Variants in FABP3 observed in about 807,000 individuals in gnomAD.
The protein encoded by FABP3 is fatty acid binding protein 3.
In FABP3, 8 loss-of-function variants were observed where a neutral mutation model predicts 13.4. That is an observed-to-expected ratio of 0.60 (90% confidence interval 0.35 to 1.07). The LOEUF (loss-of-function observed/expected upper bound fraction) is 1.07, where lower values mean the gene tolerates loss of function less well. FABP3 is among the 50% of genes least tolerant of loss of function. The pLI, the probability that FABP3 is intolerant of heterozygous loss-of-function variation, is 0.02. For missense variants in FABP3, 135 were observed against 164.7 expected (o/e 0.82, Z 0.99); for synonymous variants, 64 against 60.0 (o/e 1.07, Z -0.31).
chr1:31,371,211 C>T (rs1320098986), intron 1 of FABP3, among the ~76,000 whole-genome samples: 1 of 152,184 alleles, frequency 6.6e-6, no homozygotes, highest in South Asian at 2.1e-4. Context: ...TGCTGTCAGC[C>T]CACCCTTGCT....
At chr1:31,362,052 C>T (rs1639926283), downstream of FABP3, among the ~76,000 whole-genome samples, 1 of 152,190 alleles carries the variant, frequency 6.6e-6, no homozygotes, top group Non-Finnish European at 1.5e-5. Flanking sequence ...CCTCATGATC[C>T]ACCTGCCTTG....
At position 31,365,737 on chromosome 1, in the gene FABP3, G is replaced by C; in HGVS notation, c.*149C>G. On this transcript the variant is annotated 3_prime_UTR_variant, in exon 4 of 4. Coordinates refer to ENST00000373713, the MANE Select transcript of FABP3 (RefSeq NM_004102.5). ...AAAAAAAAAAACCACATACACCATG[G>C]GAACTGGAACTGGATCCCGGTCAGT... 1.4e-6 allele frequency: 1 copy of C among 693,574 alleles called. No individual in the cohort carries two copies. Among genetic ancestry groups the C allele is most frequent in the South Asian group, 1.7e-5 (1 of 60,168 alleles). 43.0% of individuals were successfully genotyped at this position (693,574 alleles called of 1,614,324 possible). A position where few individuals can be genotyped will look rare whatever the true frequency, so the allele number is the denominator to read the frequency against.
At chr1:31,364,465 G>T, downstream of FABP3, 1 of 501,734 alleles carries the variant, frequency 2.0e-6, no homozygotes. Flanking sequence ...CCTTCATTCA[G>T]CAGGAGGTCC....
chr1:31,367,520 G>A, intron 2 of FABP3, 26 bp from the exon 3 acceptor site: 1 of 1,589,860 alleles, frequency 6.3e-7, no homozygotes, highest in Non-Finnish European at 8.6e-7. Context: ...AGAGGCCTGA[G>A]CTGTGATCTT....
intron 1 of FABP3, among the ~76,000 whole-genome samples, chr1:31,369,859 CTT>C (rs1178942324): frequency 6.6e-6 from 1 of 152,150 alleles, no homozygotes; most frequent in Non-Finnish European, 1.5e-5. Flanking sequence ...TGTAATCACA[CTT>C]TGGGAGGCCA....
intron 3 of FABP3, 54 bp downstream of exon 3, chr1:31,367,339 G>C: frequency 1.4e-6 from 2 of 1,434,264 alleles, no homozygotes; most frequent in Non-Finnish European, 2.0e-6. Flanking sequence ...AGGCTTGGCT[G>C]AAAGAGCAGT....
At chr1:31,371,859 A>G (rs1393416641) in intron 1 of FABP3, among the ~76,000 whole-genome samples, 1 of 152,206 alleles carries the variant, frequency 6.6e-6, no homozygotes, top group Non-Finnish European at 1.5e-5. Context: ...AAAGCAGTAG[A>G]AGAAGGGCTG....
chr1:31,370,947 G>A (rs527755572), intron 1 of FABP3, among the ~76,000 whole-genome samples: 19 of 152,194 alleles, frequency 1.2e-4, no homozygotes, highest in Non-Finnish European at 2.2e-4. Context: ...TAACAGCCTC[G>A]AAGCGTAGAT....
At chr1:31,372,020 G>A (rs1640217991) in intron 1 of FABP3, among the ~76,000 whole-genome samples, 1 of 152,098 alleles carries the variant, frequency 6.6e-6, no homozygotes, top group African/African-American at 2.4e-5. Flanking sequence ...CTACTCTCCT[G>A]GTTTCAGTTT....
chr1:31,367,513 G>A lies in FABP3; in HGVS notation c.247-19C>T. 6.3e-7 allele frequency: 1 copy of A among 1,598,942 alleles called. No individual in the cohort carries two copies. Among genetic ancestry groups the A allele is most frequent in the Non-Finnish European group, 8.6e-7 (1 of 1,166,120 alleles). The stretch of plus-strand genomic sequence containing the variant: ...CAATGGACTGTGGAAAGAGGGTAGA[G>A]GCCTGAGCTGTGATCTTAGTCAGGA... On this transcript the variant is annotated intron_variant, in intron 2 of 3. Transcript: ENST00000373713.
Position 31,366,001 on chromosome 1 carries a change from C to G in FABP3, c.349-62G>C. 7.0e-6 allele frequency: 10 copies of G among 1,421,120 alleles called. No individual in the cohort carries two copies. In the South Asian group the frequency reaches 1.2e-4, roughly 17 times the overall value. 88.0% of individuals were successfully genotyped at this position (1,421,120 alleles called of 1,614,324 possible). A position where few individuals can be genotyped will look rare whatever the true frequency, so the allele number is the denominator to read the frequency against. On this transcript the variant is annotated intron_variant, in intron 3 of 3. Coordinates refer to ENST00000373713, the MANE Select transcript of FABP3 (RefSeq NM_004102.5). The stretch of plus-strand genomic sequence containing the variant: ...CAGGAACACCATTGCGAGCATTCTA[C>G]CCTCCCTTCCTCCTGATAATTGTCA...
chr1:31,366,204 G>A (rs1640110504), intron 3 of FABP3, among the ~76,000 whole-genome samples: 1 of 152,016 alleles, frequency 6.6e-6, no homozygotes, highest in South Asian at 2.1e-4. Flanking sequence ...TAGAGAGGAA[G>A]TAATTTGGTC....
rs534569223 is a variant in FABP3, at chr1:31,365,965, G to A, written c.349-26C>T. ...CTGGAAGGAAAGACAGAGTGAGATG[G>A]GGGGTGGAGCCAGGAACACCATTGC... On this transcript the variant is annotated intron_variant, in intron 3 of 3. Transcript: ENST00000373713. 2.5e-6 allele frequency: 4 copies of A among 1,611,324 alleles called. No homozygotes were observed. In the East Asian group the frequency reaches 6.7e-5, roughly 27 times the overall value.
chr1:31,365,729 A>G lies in FABP3; in HGVS notation c.*157T>C, dbSNP rs542648280. The stretch of plus-strand genomic sequence containing the variant: ...TAAAAAAAAAAAAAAAAAACCACAT[A>G]CACCATGGGAACTGGAACTGGATCC... On this transcript the variant is annotated 3_prime_UTR_variant, in exon 4 of 4. Transcript: ENST00000373713. 7.7e-6 allele frequency: 5 copies of G among 652,888 alleles called. No homozygotes were observed. In the East Asian group the frequency reaches 1.1e-4, roughly 15 times the overall value. The allele number at this position is 652,888 out of a possible 1,614,324, so 40.4% of individuals were successfully genotyped here. A position where few individuals can be genotyped will look rare whatever the true frequency, so the allele number is the denominator to read the frequency against.
chr1:31,369,317 G>T, intron 2 of FABP3, 68 bp downstream of exon 2: 1 of 1,535,132 alleles, frequency 6.5e-7, no homozygotes, highest in South Asian at 1.2e-5. Flanking sequence ...AGGGAGCCAA[G>T]ACTACCAGCC....
intron 1 of FABP3, 66 bp from the exon 2 acceptor site, chr1:31,369,623 A>G (rs1022371526): frequency 3.5e-5 from 52 of 1,482,050 alleles, no homozygotes; most frequent in African/African-American, 1.4e-5. Flanking sequence ...AAGAAACTCA[A>G]TGAATAACTC....
chr1:31,364,172 C>T (rs768969307), downstream of FABP3: 1 of 1,613,270 alleles, frequency 6.2e-7, no homozygotes, highest in East Asian at 2.2e-5. Context: ...AGAAGAAGCA[C>T]AAGAAGAAGC....
At chr1:31,367,637 C>T in intron 2 of FABP3, 143 bp from the exon 3 acceptor site, 1 of 696,576 alleles carries the variant, frequency 1.4e-6, no homozygotes, top group South Asian at 1.6e-5. Context: ...GGCAATCCGC[C>T]TCCCAGCTAT....
At chr1:31,371,702 C>T (rs1488618081) in intron 1 of FABP3, among the ~76,000 whole-genome samples, 2 of 152,196 alleles carry the variant, frequency 1.3e-5, no homozygotes, top group Admixed American at 1.3e-4. Flanking sequence ...TAAATCTGGG[C>T]ATTCCAACTT....
Sources: gnomAD v4.1 joint callset for allele counts (sites outside exome capture counted in the v4.1 genomes callset) on GRCh38, gnomAD v4.1.1 for gene constraint, MANE v1.5 for transcripts, NCBI Gene and HGNC (gene_info 2026-07-23, HGNC 2026-07-21) for gene names.